NTRK2: variants seen among roughly 807,000 people sequenced by gnomAD.
NTRK2 encodes the protein neurotrophic receptor tyrosine kinase 2.
NTRK2 carries 13 observed loss-of-function variants against 94.5 expected under a neutral mutation model. The ratio of observed to expected loss-of-function variants is 0.14; its 90% CI spans 0.09 to 0.22. The LOEUF (loss-of-function observed/expected upper bound fraction) is 0.22. Ranked by LOEUF, NTRK2 falls within the 10% of genes least tolerant of loss-of-function variation. The probability of loss-of-function intolerance (pLI) is 1.00; values close to 1 mark genes in which losing one functional copy is unlikely to be tolerated. For synonymous variants in NTRK2, 372 were observed against 407.4 expected, an observed-to-expected ratio of 0.91 and a Z score of 1.05; for missense variants, 639 against 1,071.2, an observed-to-expected ratio of 0.60 and a Z score of 5.63.
chr9:84,688,854 T>C (rs2131513074), intron 2 of NTRK2, among the ~76,000 whole-genome samples: 1 of 152,328 alleles, frequency 6.6e-6, no homozygotes, highest in South Asian at 2.1e-4. Flanking sequence ...AGATTAATTT[T>C]CCATTTTCTT....
At position 85,020,235 on chromosome 9, in the gene NTRK2, C is replaced by T. The variant is rs1054519207; in HGVS notation, c.2202C>T (p.Arg734=). ...GTGGCCACACAATGCTGCCCATTCG[C>T]TGGATGCCTCCAGAGAGCATCATGT... The part of the protein sequence containing the change: ...RVGGHTMLPI[R]WMPPESIMYR... Residue 734 remains arginine (R), a synonymous_variant, in exon 18 of 19, where the codon CGC becomes CGT. Coordinates refer to ENST00000277120, the MANE Select transcript of NTRK2 (RefSeq NM_006180.6). 2 of 1,614,034 alleles carry T rather than the reference C, an allele frequency of 1.2e-6. No individual in the cohort carries two copies. Among genetic ancestry groups the T allele is most frequent in the Admixed American group, 1.7e-5 (1 of 60,000 alleles).
intron 14 of NTRK2, among the ~76,000 whole-genome samples, chr9:84,882,866 C>G (rs974547792): frequency 5.9e-5 from 9 of 152,148 alleles, no homozygotes; most frequent in African/African-American, 2.2e-4. Context: ...TGGGTTCAAG[C>G]GATTTTCCTG....
At chr9:84,752,455 G>T (rs1032915765) in intron 12 of NTRK2, among the ~76,000 whole-genome samples, 7 of 152,262 alleles carry the variant, frequency 4.6e-5, no homozygotes, top group African/African-American at 1.7e-4. Flanking sequence ...GGTCTATGCT[G>T]CTGTACATTT....
intron 17 of NTRK2, among the ~76,000 whole-genome samples, chr9:85,007,303 C>T (rs1831078506): frequency 6.6e-6 from 1 of 152,150 alleles, no homozygotes; most frequent in Non-Finnish European, 1.5e-5. Flanking sequence ...TCAGAAAGAG[C>T]TAAAGGAGTT....
At chr9:84,921,058 C>A (rs946644872) in intron 14 of NTRK2, among the ~76,000 whole-genome samples, 7 of 152,162 alleles carry the variant, frequency 4.6e-5, no homozygotes, top group Non-Finnish European at 1.0e-4. Flanking sequence ...TAGTTCCCTG[C>A]ATAATAGCAT....
chr9:84,670,939 A>C lies in NTRK2; in HGVS notation c.191A>C (p.Asp64Ala), dbSNP rs781249905. Reference sequence around the variant, plus strand: ...CCGAGATTGGAGCCTAACAGTGTAGATCCTGAGAACATCACCGAAATGTGA... The same window carrying C: ...CCGAGATTGGAGCCTAACAGTGTAGCTCCTGAGAACATCACCGAAATGTGA... Reference protein sequence around the residue: ...AFPRLEPNSVDPENITEIFIA... With the variant: ...AFPRLEPNSVAPENITEIFIA... The change falls in exon 2 of 19, where the codon GAT becomes GCT. Residue 64 changes from aspartate (D) to alanine (A), a missense_variant. Asp to Ala is a moderately radical substitution (Grantham distance 126). Transcript: ENST00000277120. 1.3e-5 allele frequency: 21 copies of C among 1,605,930 alleles called. No homozygotes were observed. Among genetic ancestry groups the C allele is most frequent in the Non-Finnish European group, 1.7e-5 (20 of 1,179,990 alleles).
chr9:84,872,739 T>C (rs2075912018), intron 14 of NTRK2: 1 of 1,065,070 alleles, frequency 9.4e-7, no homozygotes, highest in Admixed American at 5.3e-5. Context: ...TGTGTGCATA[T>C]GTGTTTTCCT....
At chr9:84,813,504 T>G (rs1034147420) in intron 12 of NTRK2, 2 of 1,065,438 alleles carry the variant, frequency 1.9e-6, no homozygotes, top group Non-Finnish European at 1.1e-6. Context: ...CACTTTTCTT[T>G]CTTCCTGACA....
At chr9:84,985,619 GCTT>G (rs1307376181) in intron 17 of NTRK2, among the ~76,000 whole-genome samples, 1 of 152,210 alleles carries the variant, frequency 6.6e-6, no homozygotes, top group African/African-American at 2.4e-5. Context: ...TATTGTGATA[GCTT>G]TCTGAAGATT....
chr9:84,941,212 G>C (rs1444881093), intron 15 of NTRK2, among the ~76,000 whole-genome samples: 1 of 152,118 alleles, frequency 6.6e-6, no homozygotes, highest in Non-Finnish European at 1.5e-5. Flanking sequence ...ATTCTTTCCT[G>C]GTGTGCACAC....
chr9:84,937,030 T>A (rs2078236103), intron 15 of NTRK2, among the ~76,000 whole-genome samples: 1 of 152,168 alleles, frequency 6.6e-6, no homozygotes, highest in South Asian at 2.1e-4. Context: ...CCCATGGACC[T>A]TTCACAGAGC....
intron 14 of NTRK2, among the ~76,000 whole-genome samples, chr9:84,895,505 C>T (rs1274352485): frequency 1.3e-5 from 2 of 152,232 alleles, no homozygotes; most frequent in African/African-American, 4.8e-5. Flanking sequence ...GCACCCATAA[C>T]CACAATTAAG....
chr9:84,748,916 T>C (rs1343100441), intron 11 of NTRK2, among the ~76,000 whole-genome samples: 1 of 152,182 alleles, frequency 6.6e-6, no homozygotes, highest in Non-Finnish European at 1.5e-5. Flanking sequence ...ATTCTGTTTG[T>C]ATATAGGCTG....
chr9:84,773,987 C>A (rs1009492777), intron 12 of NTRK2, among the ~76,000 whole-genome samples: 11 of 152,190 alleles, frequency 7.2e-5, no homozygotes, highest in South Asian at 6.2e-4. Flanking sequence ...TGGCTCCTAA[C>A]GTCAAGTCTG....
intron 14 of NTRK2, among the ~76,000 whole-genome samples, chr9:84,879,716 C>T (rs1467331372): frequency 6.6e-6 from 1 of 152,184 alleles, no homozygotes; most frequent in African/African-American, 2.4e-5. Flanking sequence ...CCCAGTGCTG[C>T]TCATCCTTTC....
chr9:84,765,926 A>G (rs1471226878), intron 12 of NTRK2, among the ~76,000 whole-genome samples: 1 of 152,236 alleles, frequency 6.6e-6, no homozygotes, highest in East Asian at 1.9e-4. Context: ...ATTAAAAAAT[A>G]TGGTTTAAAC....
chr9:84,914,419 T>C (rs993719639), intron 14 of NTRK2, among the ~76,000 whole-genome samples: 3 of 152,202 alleles, frequency 2.0e-5, no homozygotes, highest in Non-Finnish European at 2.9e-5. Context: ...ATCTGGACAT[T>C]TGTGGTATTC....
chr9:84,880,878 C>A (rs529947772), intron 14 of NTRK2, among the ~76,000 whole-genome samples: 1 of 152,272 alleles, frequency 6.6e-6, no homozygotes, highest in Non-Finnish European at 1.5e-5. Context: ...TTTGAAAAAA[C>A]CATAGTTTGG....
chr9:85,011,545 G>A (rs542805858), intron 17 of NTRK2, among the ~76,000 whole-genome samples: 26 of 152,110 alleles, frequency 1.7e-4, no homozygotes, highest in Admixed American at 3.3e-4. Context: ...GCTCTCTCTC[G>A]CTCTCGCTCG....
Sources: gnomAD v4.1 joint callset for allele counts (sites outside exome capture counted in the v4.1 genomes callset) on GRCh38, gnomAD v4.1.1 for gene constraint, MANE v1.5 for transcripts, NCBI Gene and HGNC (gene_info 2026-07-23, HGNC 2026-07-21) for gene names.